SLC35F2: variants seen among roughly 807,000 people sequenced by gnomAD.
SLC35F2 encodes solute carrier family 35 member F2.
Under a neutral mutation model 38.1 loss-of-function variants are expected in SLC35F2, and 25 were observed. The observed-to-expected ratio is 0.66, with a 90% CI of 0.48 to 0.92. The LOEUF (loss-of-function observed/expected upper bound fraction) is 0.92. Among genes scored for constraint, SLC35F2 ranks in the 40% least tolerant of loss-of-function variants. SLC35F2 has a pLI of 0.00. For missense variants in SLC35F2, 409 were observed against 452.9 expected (o/e 0.90, Z 0.88); for synonymous variants, 173 against 181.7 (o/e 0.95, Z 0.38).
intron 1 of SLC35F2, among the ~76,000 whole-genome samples, chr11:107,830,448 G>C (rs1378484900): frequency 6.6e-6 from 1 of 151,902 alleles, no homozygotes; most frequent in Non-Finnish European, 1.5e-5. Flanking sequence ...GCTGGGCATG[G>C]TGGTGGATGC....
chr11:107,818,919 T>C (rs75265218), intron 1 of SLC35F2, among the ~76,000 whole-genome samples: 2,024 of 152,198 alleles, frequency 0.013, 39 homozygotes, highest in African/African-American at 0.046. Context: ...GGAAGGAGGA[T>C]TGCTTGAGCC....
In SLC35F2 at chr11:107,792,402, AAC is replaced by A. The variant is rs1256307314; in HGVS notation, c.*211_*212del. ...CAACACGAACAGATATTGGTCCTCA[AAC>A]ACAGAAACACACTCTTAGCTTGGTT... On this transcript the variant is annotated 3_prime_UTR_variant, in exon 8 of 8. Transcript: ENST00000525815. 1 of 529,830 alleles carries A rather than the reference AAC, an allele frequency of 1.9e-6. No individual in the cohort carries two copies. The highest frequency in any genetic ancestry group is 3.2e-6 in the Non-Finnish European group (1 of 310,870). The allele number at this position is 529,830 out of a possible 1,614,324, so 32.8% of individuals were successfully genotyped here. A position where few individuals can be genotyped will look rare whatever the true frequency, so the allele number is the denominator to read the frequency against.
At chr11:107,815,637 A>G (rs1859560055) in intron 2 of SLC35F2, among the ~76,000 whole-genome samples, 153 bp downstream of exon 2, 1 of 152,006 alleles carries the variant, frequency 6.6e-6, no homozygotes, top group Admixed American at 6.6e-5. Context: ...TGTGTTACAA[A>G]CAGTATGGTG....
intron 1 of SLC35F2, among the ~76,000 whole-genome samples, chr11:107,838,986 T>C (rs1231014356): frequency 1.3e-5 from 2 of 152,122 alleles, no homozygotes; most frequent in African/African-American, 4.8e-5. Flanking sequence ...ATTAGTACCA[T>C]TATACTGTTG....
intron 1 of SLC35F2, among the ~76,000 whole-genome samples, chr11:107,838,459 G>T (rs1859963421): frequency 6.6e-6 from 1 of 151,722 alleles, no homozygotes; most frequent in Admixed American, 6.6e-5. Context: ...CGAGTAGCTG[G>T]GATTACAGGC....
chr11:107,858,786 C>G lies in SLC35F2; in HGVS notation c.-19G>C, dbSNP rs1565445354. 8.0e-7 allele frequency: 1 copy of G among 1,251,256 alleles called. No homozygotes were observed. Among genetic ancestry groups the G allele is most frequent in the South Asian group, 4.0e-5 (1 of 24,908 alleles). 77.5% of individuals were successfully genotyped at this position (1,251,256 alleles called of 1,614,324 possible). A position where few individuals can be genotyped will look rare whatever the true frequency, so the allele number is the denominator to read the frequency against. Reference sequence around the variant, plus strand: ...CCTCCATCGGCGCCCTTGCGCGTCTCCGGCGCCCAAAACCCCCGAAGTGCC... The same window carrying G: ...CCTCCATCGGCGCCCTTGCGCGTCTGCGGCGCCCAAAACCCCCGAAGTGCC... On this transcript the variant is annotated 5_prime_UTR_variant, in exon 1 of 8. Coordinates refer to ENST00000525815, the MANE Select transcript of SLC35F2 (RefSeq NM_017515.5).
chr11:107,811,861 A>G (rs1478749424), intron 2 of SLC35F2, 67 bp from the exon 3 acceptor site: 1 of 1,391,546 alleles, frequency 7.2e-7, no homozygotes, highest in African/African-American at 1.5e-5. Context: ...TGATTTGAAG[A>G]TAAAAGAGTA....
chr11:107,810,196 A>G (rs1859460800), intron 3 of SLC35F2: 1 of 985,394 alleles, frequency 1.0e-6, no homozygotes, highest in African/African-American at 1.7e-5. Flanking sequence ...CCTTTTTTAT[A>G]ATATATTCTT....
At chr11:107,822,361 C>T (rs1393584169) in intron 1 of SLC35F2, among the ~76,000 whole-genome samples, 1 of 152,204 alleles carries the variant, frequency 6.6e-6, no homozygotes, top group Non-Finnish European at 1.5e-5. Flanking sequence ...TACTTATGTA[C>T]CTGATTTCCA....
intron 1 of SLC35F2, among the ~76,000 whole-genome samples, chr11:107,832,045 T>G (rs1018319357): frequency 3.9e-5 from 6 of 152,218 alleles, no homozygotes; most frequent in Non-Finnish European, 8.8e-5. Context: ...AAAATATTTT[T>G]TTTTTCTGCT....
At chr11:107,853,650 G>A (rs1860226204) in intron 1 of SLC35F2, among the ~76,000 whole-genome samples, 1 of 150,400 alleles carries the variant, frequency 6.6e-6, no homozygotes, top group Non-Finnish European at 1.5e-5. Flanking sequence ...AACCCGGGAG[G>A]CGGAGCTTGC....
chr11:107,820,612 T>G (rs1347905717), intron 1 of SLC35F2, among the ~76,000 whole-genome samples: 1 of 152,138 alleles, frequency 6.6e-6, no homozygotes, highest in East Asian at 1.9e-4. Context: ...CATCCCTCTC[T>G]TCCCCTCCTG....
chr11:107,834,144 GA>G (rs1269629767), intron 1 of SLC35F2, among the ~76,000 whole-genome samples: 3 of 152,316 alleles, frequency 2.0e-5, no homozygotes, highest in Admixed American at 2.0e-4. Flanking sequence ...TGCGGAAGGG[GA>G]TTGGGTAAGG....
At chr11:107,847,600 A>C (rs1344764232) in intron 1 of SLC35F2, among the ~76,000 whole-genome samples, 1 of 152,200 alleles carries the variant, frequency 6.6e-6, no homozygotes, top group Non-Finnish European at 1.5e-5. Flanking sequence ...GTCCTTAAAA[A>C]GGCACTCTCC....
chr11:107,852,087 A>T (rs1860196467), intron 1 of SLC35F2, among the ~76,000 whole-genome samples: 1 of 152,136 alleles, frequency 6.6e-6, no homozygotes, highest in East Asian at 1.9e-4. Flanking sequence ...GAGAAAGCAC[A>T]GGTGTATCCC....
intron 1 of SLC35F2, chr11:107,816,275 T>C (rs1470791236): frequency 1.0e-6 from 1 of 983,700 alleles, no homozygotes; most frequent in Non-Finnish European, 1.2e-6. Flanking sequence ...CACGTGTGTG[T>C]GTGTGTGTAT....
chr11:107,816,288 CT>C (rs919254180), intron 1 of SLC35F2: 11,305 of 584,778 alleles, frequency 0.019, no homozygotes, highest in Non-Finnish European at 0.022. Context: ...GTGTGTATGA[CT>C]TTTTTTTTTT....
At position 107,804,750 on chromosome 11, in the gene SLC35F2, T is replaced by G; in HGVS notation, c.752A>C (p.Asp251Ala). The G allele has an allele frequency of 6.2e-7, 1 of 1,607,512 alleles. No homozygotes were observed. Among genetic ancestry groups the G allele is most frequent in the Non-Finnish European group, 8.5e-7 (1 of 1,177,688 alleles). ...GIQLLIVEYK[D>A]IASIHWDWKI... Reference sequence around the variant, plus strand: ...CCAGTCCCAATGAATGCTGGCAATATCCTTATATTCCACAATCAATCTAAG... The same window carrying G: ...CCAGTCCCAATGAATGCTGGCAATAGCCTTATATTCCACAATCAATCTAAG... The change falls in exon 6 of 8, where the codon GAT becomes GCT. Residue 251 changes from aspartate (D) to alanine (A), a missense_variant. Physicochemically the swap from Asp to Ala is moderately radical, Grantham distance 126. Coordinates refer to ENST00000525815, the MANE Select transcript of SLC35F2 (RefSeq NM_017515.5).
chr11:107,840,465 G>A (rs78429281), intron 1 of SLC35F2, among the ~76,000 whole-genome samples: 1 of 152,172 alleles, frequency 6.6e-6, no homozygotes, highest in South Asian at 2.1e-4. Flanking sequence ...TCTGAAGGAC[G>A]ATTCTCTTTA....
Sources: gnomAD v4.1 joint callset for allele counts (sites outside exome capture counted in the v4.1 genomes callset) on GRCh38, gnomAD v4.1.1 for gene constraint, MANE v1.5 for transcripts, NCBI Gene and HGNC (gene_info 2026-07-23, HGNC 2026-07-21) for gene names.